CDIN1: variants seen among roughly 807,000 people sequenced by gnomAD.
The protein encoded by CDIN1 is CDAN1 interacting nuclease 1, also known as CDAN1-interacting nuclease 1.
CDIN1 carries 33 observed loss-of-function variants against 45.3 expected under a neutral mutation model. The ratio of observed to expected loss-of-function variants is 0.73; its 90% CI spans 0.55 to 0.97. CDIN1 has a LOEUF of 0.97. Among genes scored for constraint, CDIN1 ranks in the 50% least tolerant of loss-of-function variants. The pLI, the probability that CDIN1 is intolerant of heterozygous loss-of-function variation, is 0.00. For synonymous variants in CDIN1, 118 were observed against 124.4 expected, an observed-to-expected ratio of 0.95 and a Z score of 0.34; for missense variants, 303 against 339.4, an observed-to-expected ratio of 0.89 and a Z score of 0.84.
intron 5 of CDIN1, among the ~76,000 whole-genome samples, chr15:36,662,007 G>A (rs999903484): frequency 1.3e-5 from 2 of 152,028 alleles, no homozygotes; most frequent in Non-Finnish European, 2.9e-5. Context: ...ATTGTAAATC[G>A]ACCATGTTTA....
At chr15:36,587,634 C>T (rs565854678) in intron 1 of CDIN1, among the ~76,000 whole-genome samples, 1 of 152,182 alleles carries the variant, frequency 6.6e-6, no homozygotes, top group African/African-American at 2.4e-5. Context: ...TGAACAATCC[C>T]TCCCACCCCC....
intron 10 of CDIN1, among the ~76,000 whole-genome samples, chr15:36,751,229 T>TTATA (rs10557235): frequency 0.028 from 2,729 of 97,458 alleles, 102 homozygotes; most frequent in East Asian, 0.14. Flanking sequence ...TATGCTTATT[T>TTATA]TATATATATA....
intron 7 of CDIN1, among the ~76,000 whole-genome samples, chr15:36,692,784 T>C (rs1011362982): frequency 6.6e-6 from 1 of 152,176 alleles, no homozygotes; most frequent in African/African-American, 2.4e-5. Flanking sequence ...ATTAAAGACA[T>C]TGAGATTACT....
Position 36,665,968 on chromosome 15 carries a change from T to C in CDIN1, c.346+8063T>C, listed in dbSNP as rs1199043563. Among the ~76,000 whole-genome samples, 8 of 152,324 alleles carry C rather than the reference T, an allele frequency of 5.3e-5. No homozygotes were observed. The East Asian group carries it at 1.5e-3, about 29-fold the overall frequency. On this transcript the variant is annotated intron_variant, in intron 5 of 10. Coordinates refer to ENST00000566621, the MANE Select transcript of CDIN1 (RefSeq NM_001321759.2). ...TGTATGGGATATTGACTTGACGTTTTTGGTTATTCCAGGATATTTATTGCA... is the reference window on the plus strand; with the variant it reads ...TGTATGGGATATTGACTTGACGTTTCTGGTTATTCCAGGATATTTATTGCA...
chr15:36,689,800 C>G (rs966531146), intron 5 of CDIN1, among the ~76,000 whole-genome samples: 6 of 152,090 alleles, frequency 3.9e-5, no homozygotes, highest in African/African-American at 1.2e-4. Context: ...ATAATTGAGT[C>G]CAACCCTATG....
At chr15:36,672,125 A>T (rs1299931878) in intron 5 of CDIN1, among the ~76,000 whole-genome samples, 1 of 151,300 alleles carries the variant, frequency 6.6e-6, no homozygotes, top group Non-Finnish European at 1.5e-5. Context: ...TATTAGTTTA[A>T]ATTTTTAGAA....
At chr15:36,693,348 C>T (rs2042315868) in intron 7 of CDIN1, among the ~76,000 whole-genome samples, 1 of 152,142 alleles carries the variant, frequency 6.6e-6, no homozygotes, top group Non-Finnish European at 1.5e-5. Context: ...AGCATTATCC[C>T]AAGCTCACCT....
At chr15:36,614,068 C>G in intron 1 of CDIN1, 1 of 1,000,074 alleles carries the variant, frequency 1.0e-6, no homozygotes, top group Non-Finnish European at 1.6e-6. Context: ...AAGGAGAGAC[C>G]TGTGCTGAGT....
intron 1 of CDIN1, among the ~76,000 whole-genome samples, chr15:36,636,869 A>G (rs1012146825): frequency 2.2e-4 from 34 of 152,268 alleles, no homozygotes; most frequent in Admixed American, 2.2e-3. Flanking sequence ...TATTAAAAGA[A>G]TAGTAAAAGA....
In CDIN1 at chr15:36,691,687, TC is replaced by T; in HGVS notation, c.351del (p.Lys118SerfsTer4). On this transcript the variant is annotated frameshift_variant, in exon 6 of 11. Transcript: ENST00000566621. LOFTEE classifies it high-confidence loss of function. ...FLQEHEETPPSKSIINSMLRD... is the reference protein window; with the variant it reads ...FLQEHEETPPXKSIINSMLRD... The stretch of plus-strand genomic sequence containing the variant: ...AGTTCATCTCTTTTCTTCTACAGCC[TC>T]CAAGTCTATTATAAATAGTATGCTA... 6.3e-7 allele frequency: 1 copy of T among 1,591,298 alleles called. No individual in the cohort carries two copies. Among genetic ancestry groups the T allele is most frequent in the Non-Finnish European group, 8.6e-7 (1 of 1,165,502 alleles).
At chr15:36,764,224 T>G (rs933576473) in intron 10 of CDIN1, among the ~76,000 whole-genome samples, 1 of 151,270 alleles carries the variant, frequency 6.6e-6, no homozygotes, top group African/African-American at 2.4e-5. Context: ...GTTTTTTTTT[T>G]TTTTTTTTTG....
intron 5 of CDIN1, among the ~76,000 whole-genome samples, chr15:36,683,048 T>A (rs1031753938): frequency 5.3e-5 from 8 of 152,290 alleles, no homozygotes; most frequent in Admixed American, 5.2e-4. Context: ...TTGGAGTGAA[T>A]GTATTTCAAT....
intron 5 of CDIN1, among the ~76,000 whole-genome samples, chr15:36,667,174 A>G (rs934700978): frequency 2.6e-5 from 4 of 152,252 alleles, no homozygotes; most frequent in African/African-American, 7.2e-5. Context: ...TTGCAAGTCA[A>G]TACTGTAGGT....
chr15:36,800,907 GTGTATATATATATATATATATATA>G lies in CDIN1; in HGVS notation c.717-7415_717-7392del, dbSNP rs1486924989. 6.6e-4 allele frequency among the ~76,000 whole-genome samples: 21 copies of G among 31,618 alleles called. No individual in the cohort carries two copies. The East Asian group carries it at 6.6e-3, about 10-fold the overall frequency. The allele number at this position is 31,618 out of a possible 152,430, so 20.7% of individuals were successfully genotyped here. A position where few individuals can be genotyped will look rare whatever the true frequency, so the allele number is the denominator to read the frequency against. ...TGTGTGTGTGTGTGTGTGTGTGTGT[GTGTATATATATATATATATATATA>G]TATATATATATATGATTCTCTGCTG... On this transcript the variant is annotated intron_variant, in intron 10 of 10. Transcript: ENST00000566621.
chr15:36,809,075 C>T lies in CDIN1; in HGVS notation c.*622C>T. ...TTCAATCTTTACGGCTTCCTGACTT[C>T]TGTGACAGTAAGCCAAGTGCAAAAA... On this transcript the variant is annotated 3_prime_UTR_variant, in exon 11 of 11. Coordinates refer to ENST00000566621, the MANE Select transcript of CDIN1 (RefSeq NM_001321759.2). 1 of 377,066 alleles carries T rather than the reference C, an allele frequency of 2.7e-6. No individual in the cohort carries two copies. The highest frequency in any genetic ancestry group is 5.3e-6 in the Non-Finnish European group (1 of 187,254). The allele number at this position is 377,066 out of a possible 1,614,324, so 23.4% of individuals were successfully genotyped here. A position where few individuals can be genotyped will look rare whatever the true frequency, so the allele number is the denominator to read the frequency against.
chr15:36,775,896 G>A (rs1056360097), intron 10 of CDIN1, among the ~76,000 whole-genome samples: 24 of 152,016 alleles, frequency 1.6e-4, no homozygotes, highest in Admixed American at 3.9e-4. Context: ...ATGTATGTAC[G>A]TATGTATGTA....
At chr15:36,655,470 G>C (rs192484362) in intron 4 of CDIN1, among the ~76,000 whole-genome samples, 36 of 152,170 alleles carry the variant, frequency 2.4e-4, no homozygotes, top group African/African-American at 7.5e-4. Context: ...GGGACCACAG[G>C]CCTGTGCCAC....
chr15:36,589,297 AG>A (rs1365561410), intron 1 of CDIN1, among the ~76,000 whole-genome samples: 1 of 152,206 alleles, frequency 6.6e-6, no homozygotes, highest in Non-Finnish European at 1.5e-5. Context: ...TCTGGTATAA[AG>A]ATCATATAGA....
chr15:36,642,911 TA>T (rs1473736872), intron 1 of CDIN1, among the ~76,000 whole-genome samples: 1 of 152,188 alleles, frequency 6.6e-6, no homozygotes, highest in Non-Finnish European at 1.5e-5. Context: ...ATTAAGGGTT[TA>T]CAAAGATTTG....
Sources: gnomAD v4.1 joint callset for allele counts (sites outside exome capture counted in the v4.1 genomes callset) on GRCh38, gnomAD v4.1.1 for gene constraint, MANE v1.5 for transcripts, NCBI Gene and HGNC (gene_info 2026-07-23, HGNC 2026-07-21) for gene names.